Variants in LAMA5 observed in about 807,000 individuals in gnomAD.
LAMA5 encodes laminin subunit alpha-5.
LAMA5 carries 260 observed loss-of-function variants against 433.4 expected under a neutral mutation model. The observed-to-expected ratio is 0.60, with a 90% confidence interval of 0.54 to 0.66. LAMA5 has a LOEUF of 0.66. LAMA5 is among the 30% of genes least tolerant of loss of function. The pLI, the probability that LAMA5 is intolerant of heterozygous loss-of-function variation, is 0.00. For synonymous variants in LAMA5, 2,620 were observed against 2,226.6 expected, an observed-to-expected ratio of 1.18 and a Z score of -4.97; for missense variants, 5,378 against 5,258.5, an observed-to-expected ratio of 1.02 and a Z score of -0.70.
In LAMA5 at chr20:62,334,277, G is replaced by A. The variant is rs765705250; in HGVS notation, c.2648C>T (p.Thr883Ile). The change falls in exon 22 of 80, where the codon ACA becomes ATA. Residue 883 changes from threonine to isoleucine, a missense_variant. Coordinates refer to ENST00000252999, the MANE Select transcript of LAMA5 (RefSeq NM_005560.6). ...HLRLELEEAATPEGHAVRFGF... is the reference protein window; with the variant it reads ...HLRLELEEAAIPEGHAVRFGF... ...AAAGCGCACGGCGTGACCCTCAGGT[G>A]TGGCAGCCTCCTCCAGCTCCAGGCG... is the stretch of plus-strand genomic sequence containing the variant. 25 of 1,612,304 alleles carry A rather than the reference G, an allele frequency of 1.6e-5. No individual in the cohort carries two copies. The highest frequency in any genetic ancestry group is 1.7e-4 in the Middle Eastern group (1 of 6,056).
In LAMA5 at chr20:62,318,924, G is replaced by A. The variant is rs769030012; in HGVS notation, c.6961C>T (p.Arg2321Trp). The A allele has an allele frequency of 2.4e-5, 39 of 1,601,228 alleles. No homozygotes were observed. Among genetic ancestry groups the A allele is most frequent in the African/African-American group, 5.3e-5 (4 of 74,774 alleles). The change falls in exon 52 of 80, where the codon CGG (arginine) becomes TGG (tryptophan). Residue 2321 changes from arginine to tryptophan, a missense_variant. Transcript: ENST00000252999. ...CGGGCCCGCATCTCCCAGAGCAGCCGCTCCACCTCGGCCAGTGTCCGGAGC... is the reference window on the plus strand; with the variant it reads ...CGGGCCCGCATCTCCCAGAGCAGCCACTCCACCTCGGCCAGTGTCCGGAGC... ...QLLRTLAEVERLLWEMRARDL... is the reference protein window; with the variant it reads ...QLLRTLAEVEWLLWEMRARDL...
At chr20:62,321,993 G>C in intron 48 of LAMA5, 26 bp downstream of exon 48, 1 of 1,590,458 alleles carries the variant, frequency 6.3e-7, no homozygotes, top group East Asian at 2.2e-5. Flanking sequence ...CATCAGGTGT[G>C]GGGAAGTGGG....
chr20:62,330,962 G>A lies in LAMA5; in HGVS notation c.3651-18C>T. ...AGGCGGCACTGGTGAGAGCACAGTGGGTGAGTCAGAGCCGGCCCTGCCGCC... is the reference window on the plus strand; with the variant it reads ...AGGCGGCACTGGTGAGAGCACAGTGAGTGAGTCAGAGCCGGCCCTGCCGCC... On this transcript the variant is annotated intron_variant, in intron 29 of 79. Transcript: ENST00000252999. 1 of 1,556,030 alleles carries A rather than the reference G, an allele frequency of 6.4e-7. No individual in the cohort carries two copies. The highest frequency in any genetic ancestry group is 1.2e-5 in the South Asian group (1 of 85,030).
chr20:62,310,306 G>A lies in LAMA5; in HGVS notation c.10606C>T (p.Pro3536Ser), dbSNP rs41307203. The A allele has an allele frequency of 0.019, 31,157 of 1,602,258 alleles. 359 individuals carry two copies. The highest frequency in any genetic ancestry group is 0.023 in the Non-Finnish European group (26,911 of 1,173,200). Residue 3536 changes from proline (P) to serine (S), a missense_variant, in exon 77 of 80, where the codon CCA becomes TCA. By Grantham distance (74) the Pro-to-Ser change is moderately conservative. Coordinates refer to ENST00000252999, the MANE Select transcript of LAMA5 (RefSeq NM_005560.6). ...CCCACATCAGGCAGTGTAGCTCCTG[G>A]GAGGTCTGCGGGGAGGGGTTGTGAT... ...GSGGVITLDL[P>S]GATLPDVGLE...
rs770664447 is a variant in LAMA5, at chr20:62,312,122, G to A, written c.9504+51C>T. The A allele has an allele frequency of 6.2e-6, 10 of 1,609,412 alleles. No individual in the cohort carries two copies. In the African/African-American group the frequency reaches 1.2e-4, roughly 19 times the overall value. ...CATTCCAGACACCCCAGTCCCAACT[G>A]CTCCGACGGCCACCGCGGGGTGGGG... On this transcript the variant is annotated intron_variant, in intron 69 of 79. Coordinates refer to ENST00000252999, the MANE Select transcript of LAMA5 (RefSeq NM_005560.6).
Position 62,322,774 on chromosome 20 carries a change from G to A in LAMA5, c.6065-16C>T, listed in dbSNP as rs765372062. 1.1e-5 allele frequency: 16 copies of A among 1,442,300 alleles called. No homozygotes were observed. The highest frequency in any genetic ancestry group is 8.4e-5 in the South Asian group (6 of 71,134). 89.3% of individuals were successfully genotyped at this position (1,442,300 alleles called of 1,614,324 possible). ...CAGTCGCACCCTGCAGAAGGGGTCC[G>A]TGACTGCAGCCCTGGGCCCTCTCAC... On this transcript the variant is annotated splice_polypyrimidine_tract_variant and intron_variant, in intron 45 of 79. Transcript: ENST00000252999.
chr20:62,345,672 G>T, intron 11 of LAMA5, 146 bp downstream of exon 11: 1 of 660,962 alleles, frequency 1.5e-6, no homozygotes, highest in Non-Finnish European at 2.6e-6. Context: ...GTTTTCCAGT[G>T]TGAATAGGCA....
chr20:62,340,798 G>A (rs1182718884), intron 11 of LAMA5, among the ~76,000 whole-genome samples: 4 of 151,726 alleles, frequency 2.6e-5, no homozygotes, highest in African/African-American at 9.7e-5. Flanking sequence ...ACTTTAGGAG[G>A]CTGAGGTGGG....
chr20:62,310,943 C>T lies in LAMA5; in HGVS notation c.10240G>A (p.Ala3414Thr), dbSNP rs200015404. ...GGCCGGGAGCGCTGGCGGCTCTGGG[C>T]GCGGAGCCGAGTCCCGAGGCCTTCC... ...QMEGLGTRLR[A>T]QSRQRSRPGR... Residue 3414 changes from alanine (A) to threonine (T), a missense_variant, in exon 74 of 80, where the codon GCC becomes ACC. Physicochemically the swap from Ala to Thr is moderately conservative, Grantham distance 58 (BLOSUM62 0). Transcript: ENST00000252999. 39 of 1,610,950 alleles carry T rather than the reference C, an allele frequency of 2.4e-5. 1 individual carries two copies. The highest frequency in any genetic ancestry group is 1.1e-4 in the South Asian group (10 of 90,990).
chr20:62,320,242 C>T (rs947977472), intron 50 of LAMA5, among the ~76,000 whole-genome samples: 3 of 136,770 alleles, frequency 2.2e-5, no homozygotes, highest in Non-Finnish European at 3.0e-5. Flanking sequence ...CGCTTGAACC[C>T]GGGAGGCAGA....
intron 70 of LAMA5, 55 bp downstream of exon 70, chr20:62,311,865 T>A: frequency 7.0e-7 from 1 of 1,430,398 alleles, no homozygotes. Context: ...TCCAGGCAAG[T>A]GCAGGCGGGC....
intron 2 of LAMA5, among the ~76,000 whole-genome samples, chr20:62,354,626 A>G (rs901182268): frequency 6.6e-6 from 1 of 152,084 alleles, no homozygotes; most frequent in African/African-American, 2.4e-5. Context: ...ACCCAGGAGC[A>G]GGGGGGGTCC....
At position 62,309,164 on chromosome 20, in the gene LAMA5, C is replaced by T; in HGVS notation, c.*172G>A. 1 of 692,298 alleles carries T rather than the reference C, an allele frequency of 1.4e-6. No homozygotes were observed. Among genetic ancestry groups the T allele is most frequent in the Admixed American group, 3.5e-5 (1 of 28,872 alleles). The allele number at this position is 692,298 out of a possible 1,614,324, so 42.9% of individuals were successfully genotyped here. ...TGGGTGGAAGGGCCAAATATAAAAACATTTTGCAGTATTTTATTCTTTCGT... is the reference window on the plus strand; with the variant it reads ...TGGGTGGAAGGGCCAAATATAAAAATATTTTGCAGTATTTTATTCTTTCGT... On this transcript the variant is annotated 3_prime_UTR_variant, in exon 80 of 80. Coordinates refer to ENST00000252999, the MANE Select transcript of LAMA5 (RefSeq NM_005560.6).
rs1319952583 is a variant in LAMA5 at position 62,317,342 on chromosome 20, C to T, written c.7511+3G>A. ...CAGGGCCCCTCCTCTCCTGGCCACC[C>T]ACCTGGACAGATTGAGTGCCAGCTG... is the stretch of plus-strand genomic sequence containing the variant. On this transcript the variant is annotated splice_donor_region_variant and intron_variant, in intron 55 of 79. Transcript: ENST00000252999. The T allele has an allele frequency of 1.0e-5, 16 of 1,605,196 alleles. No individual in the cohort carries two copies. The Admixed American group carries it at 2.0e-4, about 20-fold the overall frequency.
At chr20:62,334,949 G>C (rs923783781) in intron 20 of LAMA5, 72 bp downstream of exon 20, 2 of 1,428,618 alleles carry the variant, frequency 1.4e-6, no homozygotes, top group Admixed American at 1.7e-5. Context: ...TTGTCCCTCC[G>C]GGCCTTGGGT....
At chr20:62,366,537 C>G (rs1242447307) in intron 1 of LAMA5, among the ~76,000 whole-genome samples, 1 of 152,248 alleles carries the variant, frequency 6.6e-6, no homozygotes, top group Non-Finnish European at 1.5e-5. Context: ...CCACCCCATC[C>G]AGAGGCCAAC....
At chr20:62,355,661 G>T (rs904655834) in intron 2 of LAMA5, among the ~76,000 whole-genome samples, 2 of 152,196 alleles carry the variant, frequency 1.3e-5, no homozygotes, top group South Asian at 4.1e-4. Flanking sequence ...TGGGTGGGGG[G>T]CAGGGAGACA....
rs745833626 is a variant in LAMA5 at position 62,332,434 on chromosome 20, C to G, written c.3490G>C (p.Val1164Leu). The G allele has an allele frequency of 1.4e-5, 22 of 1,612,708 alleles. No individual in the cohort carries two copies. The highest frequency in any genetic ancestry group is 1.7e-5 in the Non-Finnish European group (20 of 1,179,984). The change falls in exon 28 of 80, where the codon GTC becomes CTC. Residue 1164 changes from valine to leucine, a missense_variant. Transcript: ENST00000252999. The stretch of plus-strand genomic sequence containing the variant: ...CTGGCCTCCGAGTCCAGGTGGAAGA[C>G]AGCCAGGTGGTCCTGGGTATCCCGG... ...TARDTQDHLA[V>L]FHLDSEASVR... is the part of the protein sequence containing the mutation.
At chr20:62,313,512 A>G (rs1442459245) in intron 63 of LAMA5, 52 bp from the exon 64 acceptor site, 1 of 1,561,140 alleles carries the variant, frequency 6.4e-7, no homozygotes. Context: ...CCTCCCCTCC[A>G]GGATGGACCA....
Sources: allele counts gnomAD v4.1 joint callset (sites outside exome capture counted in the v4.1 genomes callset), GRCh38; gene constraint gnomAD v4.1.1; transcripts MANE v1.5; gene names NCBI Gene and HGNC (gene_info 2026-07-23, HGNC 2026-07-21).